OSBPL1A: variants seen among roughly 807,000 people sequenced by gnomAD.
The protein encoded by OSBPL1A is oxysterol-binding protein-related protein 1.
OSBPL1A carries 80 observed loss-of-function variants against 137.1 expected under a neutral mutation model. That is an observed-to-expected ratio of 0.58 (90% CI 0.49 to 0.70). OSBPL1A has a LOEUF of 0.70. OSBPL1A is among the 30% of genes least tolerant of loss of function. The pLI is 0.00. For synonymous variants in OSBPL1A, 365 were observed against 389.7 expected, an observed-to-expected ratio of 0.94 and a Z score of 0.75; for missense variants, 970 against 1,129.4, an observed-to-expected ratio of 0.86 and a Z score of 2.02.
Position 24,194,565 on chromosome 18 carries a change from T to C in OSBPL1A, c.1677+1560A>G, listed in dbSNP as rs149650721. On this transcript the variant is annotated intron_variant, in intron 18 of 27. Coordinates refer to ENST00000319481, the MANE Select transcript of OSBPL1A (RefSeq NM_080597.4). ...CGTGTGTTACTGTCATCTGTCTATA[T>C]ACATTTGCTTTGTCCTGTTGAATCC... Among the ~76,000 whole-genome samples the C allele has an allele frequency of 7.1e-3, 1,087 of 152,352 alleles. 41 individuals are homozygous for C. The highest frequency in any genetic ancestry group is 0.048 in the Admixed American group (742 of 15,310).
At chr18:24,175,659 C>CT (rs1287911929) in intron 21 of OSBPL1A, among the ~76,000 whole-genome samples, 1 of 152,060 alleles carries the variant, frequency 6.6e-6, no homozygotes, top group Non-Finnish European at 1.5e-5. Flanking sequence ...TAATTTATCA[C>CT]TTTTTGTCTT....
At chr18:24,301,851 C>T (rs547711220) in intron 14 of OSBPL1A, among the ~76,000 whole-genome samples, 11 of 152,326 alleles carry the variant, frequency 7.2e-5, no homozygotes, top group African/African-American at 2.6e-4. Context: ...TCCATTTACT[C>T]TAATATTAAC....
At chr18:24,167,678 A>G (rs1220339624) in intron 24 of OSBPL1A, among the ~76,000 whole-genome samples, 4 of 152,216 alleles carry the variant, frequency 2.6e-5, no homozygotes, top group Non-Finnish European at 4.4e-5. Context: ...GGCTTTCCAC[A>G]TGAAAAAAGA....
rs1555625055 is a variant in OSBPL1A at position 24,175,117 on chromosome 18, T to TATATATATAC, written c.2094-2635_2094-2634insGTATATATAT. Among the ~76,000 whole-genome samples, 37 of 35,632 alleles carry TATATATATAC rather than the reference T, an allele frequency of 1.0e-3. 1 individual carries two copies. The highest frequency in any genetic ancestry group is 1.9e-3 in the Admixed American group (5 of 2,626). 23.4% of individuals were successfully genotyped at this position (35,632 alleles called of 152,430 possible). On this transcript the variant is annotated intron_variant, in intron 21 of 27. Transcript: ENST00000319481. ...TATTTGCCATGTGTATGTATATATA[T>TATATATATAC]ATATATATATATATATATACACATA...
intron 15 of OSBPL1A, among the ~76,000 whole-genome samples, chr18:24,269,532 A>T (rs1303696492): frequency 6.6e-6 from 1 of 152,182 alleles, no homozygotes; most frequent in African/African-American, 2.4e-5. Context: ...TTATAAGGTA[A>T]ACAATCTATA....
chr18:24,184,675 A>G (rs189318460), intron 18 of OSBPL1A, among the ~76,000 whole-genome samples: 16 of 152,282 alleles, frequency 1.1e-4, no homozygotes, highest in Admixed American at 1.0e-3. Context: ...TAGTAATACA[A>G]TTCCTTGGGA....
intron 15 of OSBPL1A, among the ~76,000 whole-genome samples, chr18:24,280,005 G>C (rs1238832546): frequency 6.6e-6 from 1 of 151,926 alleles, no homozygotes; most frequent in Non-Finnish European, 1.5e-5. Flanking sequence ...GGAGTGCAGT[G>C]GTGCAATATC....
At chr18:24,253,212 T>G (rs2089163575) in intron 15 of OSBPL1A, among the ~76,000 whole-genome samples, 1 of 145,364 alleles carries the variant, frequency 6.9e-6, no homozygotes, top group Admixed American at 7.0e-5. Flanking sequence ...CCCCACAATC[T>G]GTTGCCTACA....
chr18:24,391,540 C>G (rs1192590284), intron 1 of OSBPL1A, among the ~76,000 whole-genome samples: 1 of 140,942 alleles, frequency 7.1e-6, no homozygotes, highest in African/African-American at 2.7e-5. Flanking sequence ...CTGGGCAACA[C>G]AGCAAGACCC....
chr18:24,243,432 C>A (rs1375486010), intron 15 of OSBPL1A, among the ~76,000 whole-genome samples: 1 of 152,148 alleles, frequency 6.6e-6, no homozygotes, highest in Non-Finnish European at 1.5e-5. Context: ...TTGCTGTTGA[C>A]ACCATATCTT....
At chr18:24,223,834 A>G (rs1218337260) in intron 17 of OSBPL1A, among the ~76,000 whole-genome samples, 12 of 152,164 alleles carry the variant, frequency 7.9e-5, no homozygotes. Flanking sequence ...AACTTTCCAA[A>G]GATTTCACCT....
At chr18:24,289,418 G>GTTTTTTTTTTTTTTTTT (rs536281272) in intron 14 of OSBPL1A, among the ~76,000 whole-genome samples, 2 of 94,208 alleles carry the variant, frequency 2.1e-5, no homozygotes, top group Non-Finnish European at 4.0e-5. Flanking sequence ...GTTTTTTCCT[G>GTTTTTTTTTTTTTTTTT]TTTTTTTTTT....
At chr18:24,304,054 G>T (rs2090454977) in intron 13 of OSBPL1A, among the ~76,000 whole-genome samples, 1 of 151,922 alleles carries the variant, frequency 6.6e-6, no homozygotes, top group Non-Finnish European at 1.5e-5. Context: ...ACTTTTAGTA[G>T]GCCTCATGAA....
intron 7 of OSBPL1A, among the ~76,000 whole-genome samples, chr18:24,322,103 T>G (rs2090870981): frequency 7.4e-6 from 1 of 134,980 alleles, no homozygotes. Context: ...GAGAAATATG[T>G]GACTTTTTTT....
chr18:24,167,209 G>T, intron 25 of OSBPL1A, 120 bp downstream of exon 25: 1 of 855,386 alleles, frequency 1.2e-6, no homozygotes, highest in Non-Finnish European at 1.9e-6. Context: ...AGCCAGTGGG[G>T]GCTCAGGATG....
In OSBPL1A at chr18:24,333,020, C is replaced by T. The variant is rs780890579; in HGVS notation, c.547G>A (p.Ala183Thr). Residue 183 changes from alanine (A) to threonine (T), a missense_variant, in exon 7 of 28, where the codon GCA becomes ACA. By Grantham distance (58) the Ala-to-Thr change is moderately conservative. Coordinates refer to ENST00000319481, the MANE Select transcript of OSBPL1A (RefSeq NM_080597.4). Reference protein sequence around the residue: ...DQLGNTPLHCAAYRAHKQCAL... With the variant: ...DQLGNTPLHCTAYRAHKQCAL... Reference sequence around the variant, plus strand: ...CATTGTTTATGGGCCCGGTAAGCTGCACAATGCAAGGGTGTATTTCCTAAC... The same window carrying T: ...CATTGTTTATGGGCCCGGTAAGCTGTACAATGCAAGGGTGTATTTCCTAAC... 30 of 1,614,036 alleles carry T rather than the reference C, an allele frequency of 1.9e-5. No individual in the cohort carries two copies. Among genetic ancestry groups the T allele is most frequent in the Middle Eastern group, 3.3e-4 (2 of 6,084 alleles).
intron 17 of OSBPL1A, among the ~76,000 whole-genome samples, chr18:24,209,560 T>G (rs747380877): frequency 6.6e-6 from 1 of 152,226 alleles, no homozygotes. Flanking sequence ...GAAACATGTC[T>G]GCAGAATGGT....
intron 11 of OSBPL1A, among the ~76,000 whole-genome samples, chr18:24,315,304 C>A (rs1256809027): frequency 2.6e-5 from 4 of 152,086 alleles, no homozygotes; most frequent in Non-Finnish European, 5.9e-5. Context: ...ACAGGGGAAT[C>A]CCCCAAGGGA....
chr18:24,338,469 C>A (rs1378652096), intron 5 of OSBPL1A, among the ~76,000 whole-genome samples: 1 of 152,062 alleles, frequency 6.6e-6, no homozygotes, highest in South Asian at 2.1e-4. Flanking sequence ...TGAATACCTC[C>A]CATCATGTAT....
Sources: allele counts gnomAD v4.1 joint callset (sites outside exome capture counted in the v4.1 genomes callset), GRCh38; gene constraint gnomAD v4.1.1; transcripts MANE v1.5; gene names NCBI Gene and HGNC (gene_info 2026-07-23, HGNC 2026-07-21).